CRADD: variants seen among roughly 807,000 people sequenced by gnomAD.
The protein encoded by CRADD is CARD and death domain containing adaptor protein, also known as death domain-containing protein CRADD.
CRADD carries 9 observed loss-of-function variants against 15.5 expected under a neutral mutation model. The observed-to-expected ratio is 0.58, with a 90% CI of 0.35 to 1.01. The LOEUF (loss-of-function observed/expected upper bound fraction) is 1.01, where lower values mean the gene tolerates loss of function less well. CRADD is among the 50% of genes least tolerant of loss of function. The probability of loss-of-function intolerance (pLI) is 0.02; values close to 1 mark genes in which losing one functional copy is unlikely to be tolerated. For missense variants in CRADD, 227 were observed against 250.3 expected, an observed-to-expected ratio of 0.91 and a Z score of 0.63; for synonymous variants, 118 against 107.6, an observed-to-expected ratio of 1.10 and a Z score of -0.60.
intron 2 of CRADD, among the ~76,000 whole-genome samples, chr12:93,856,095 T>C (rs1324857879): frequency 1.3e-5 from 2 of 152,216 alleles, no homozygotes. Context: ...CGTGAGCCAC[T>C]GCGCCCGGCC....
chr12:93,714,976 G>A (rs1434501435), intron 2 of CRADD: 3 of 152,134 alleles, frequency 2.0e-5, no homozygotes, highest in African/African-American at 7.2e-5. Context: ...GTCTGCCGCA[G>A]ATAGTTTTAG....
At chr12:93,884,482 G>T (rs768824908) in intron 2 of CRADD, among the ~76,000 whole-genome samples, 3 of 152,134 alleles carry the variant, frequency 2.0e-5, no homozygotes, top group African/African-American at 4.8e-5. Flanking sequence ...ACTATTTCCC[G>T]ACTGATTCTT....
At chr12:93,756,984 A>AT (rs201275220) in intron 2 of CRADD, among the ~76,000 whole-genome samples, 1,737 of 152,316 alleles carry the variant, frequency 0.011, 40 homozygotes, top group African/African-American at 0.04. Context: ...TTGCCAGTCT[A>AT]TTTGTTCACT....
At chr12:93,841,389 A>G (rs61144803) in intron 2 of CRADD, among the ~76,000 whole-genome samples, 6,201 of 152,256 alleles carry the variant, frequency 0.041, 156 homozygotes, top group Admixed American at 0.078. Context: ...AACAACTTAC[A>G]TATGATAGGA....
At chr12:93,814,976 C>A (rs1048565145) in intron 2 of CRADD, among the ~76,000 whole-genome samples, 8 of 152,294 alleles carry the variant, frequency 5.3e-5, no homozygotes, top group African/African-American at 1.2e-4. Flanking sequence ...GTTGGAATCA[C>A]CCCCTTGGGT....
intron 2 of CRADD, among the ~76,000 whole-genome samples, chr12:93,728,994 GTTATATTTCAAAAT>G: frequency 6.6e-6 from 1 of 152,148 alleles, no homozygotes; most frequent in South Asian, 2.1e-4. Flanking sequence ...TTTGGGGCCA[GTTATATTTCAAAAT>G]TTAGGGTTTT....
At chr12:93,768,385 G>T (rs1164787281) in intron 2 of CRADD, among the ~76,000 whole-genome samples, 1 of 152,086 alleles carries the variant, frequency 6.6e-6, no homozygotes, top group Non-Finnish European at 1.5e-5. Context: ...GAAGAAGATG[G>T]ATTATGGATA....
At position 93,850,006 on chromosome 12, in the gene CRADD, A is replaced by G. The variant is rs777064657; in HGVS notation, c.335A>G (p.Asn112Ser). ...ACTGGGATCCCCTCGCACATCCTCA[A>G]CAGCTCCCCATCAGACCGGCAGATT... ...RLTGIPSHIL[N>S]SSPSDRQINQ... is the part of the protein sequence containing the mutation. Residue 112 changes from asparagine (N) to serine (S), a missense_variant, in exon 3 of 3, where the codon AAC becomes AGC. Physicochemically the swap from Asn to Ser is conservative, Grantham distance 46. Coordinates refer to ENST00000332896, the MANE Select transcript of CRADD (RefSeq NM_003805.5). The surrounding 1 kb of genome is among the most constrained non-coding windows in gnomAD (Gnocchi z 4.0). The G allele has an allele frequency of 3.1e-6, 5 of 1,611,250 alleles. No individual in the cohort carries two copies. Among genetic ancestry groups the G allele is most frequent in the Non-Finnish European group, 3.4e-6 (4 of 1,177,372 alleles).
At chr12:93,845,693 GAA>G (rs2137045470) in intron 2 of CRADD, among the ~76,000 whole-genome samples, 1 of 152,194 alleles carries the variant, frequency 6.6e-6, no homozygotes, top group East Asian at 1.9e-4. Context: ...TTATGCTATA[GAA>G]AGACTCAGCA....
intron 2 of CRADD, chr12:93,708,519 G>A (rs1453680405): frequency 6.6e-6 from 1 of 152,132 alleles, no homozygotes; most frequent in Non-Finnish European, 1.5e-5. Flanking sequence ...TCATTCCTCT[G>A]CCTGGAATGC....
intron 2 of CRADD, among the ~76,000 whole-genome samples, chr12:93,792,336 G>A (rs1194035731): frequency 6.6e-6 from 1 of 152,128 alleles, no homozygotes; most frequent in Non-Finnish European, 1.5e-5. Context: ...ATCTATTATA[G>A]AACATTTTCT....
At chr12:93,811,577 G>A (rs143838380) in intron 2 of CRADD, among the ~76,000 whole-genome samples, 1 of 152,344 alleles carries the variant, frequency 6.6e-6, no homozygotes, top group Non-Finnish European at 1.5e-5. Context: ...TCCTCACTCT[G>A]CTTTGAGACG....
chr12:93,744,610 C>T (rs1004298930), intron 2 of CRADD, among the ~76,000 whole-genome samples: 1 of 152,188 alleles, frequency 6.6e-6, no homozygotes, highest in African/African-American at 2.4e-5. Context: ...CTTTGACATT[C>T]TGCTTACCAT....
chr12:93,779,690 A>G (rs1486621216), intron 2 of CRADD, among the ~76,000 whole-genome samples: 1 of 151,782 alleles, frequency 6.6e-6, no homozygotes, highest in Non-Finnish European at 1.5e-5. Context: ...CCTGGGTTCA[A>G]GCGATTCTCC....
In CRADD at chr12:93,887,813, G is replaced by A. The variant is rs567673406; in HGVS notation, c.299-6237G>A. ...GATACAAATGAAAACAGAATTACAC[G>A]TTAACGTTTATGGAGTTCATAGCTG... is the stretch of plus-strand genomic sequence containing the variant. On this transcript the variant is annotated intron_variant, in intron 2 of 2. Transcript: ENST00000548483. Among the ~76,000 whole-genome samples the A allele has an allele frequency of 5.9e-5, 9 of 152,300 alleles. No individual in the cohort carries two copies. The South Asian group carries it at 1.0e-3, about 18-fold the overall frequency.
intron 2 of CRADD, among the ~76,000 whole-genome samples, chr12:93,801,494 G>T (rs572914158): frequency 4.6e-5 from 7 of 152,128 alleles, no homozygotes; most frequent in Admixed American, 3.3e-4. Flanking sequence ...CACCTCCTGG[G>T]TTCAAGTGAT....
At chr12:93,863,031 T>C (rs1007383842) in intron 2 of CRADD, among the ~76,000 whole-genome samples, 1 of 152,232 alleles carries the variant, frequency 6.6e-6, no homozygotes, top group Non-Finnish European at 1.5e-5. Flanking sequence ...AGACCCGTGG[T>C]TTTCTGGAAC....
At chr12:93,713,243 T>G (rs991693502) in intron 2 of CRADD, among the ~76,000 whole-genome samples, 3 of 152,132 alleles carry the variant, frequency 2.0e-5, no homozygotes, top group Non-Finnish European at 4.4e-5. Flanking sequence ...TGCCAGTTTA[T>G]CTTATTAACT....
At chr12:93,778,401 G>A (rs1479404974) in intron 2 of CRADD, among the ~76,000 whole-genome samples, 1 of 152,216 alleles carries the variant, frequency 6.6e-6, no homozygotes, top group Non-Finnish European at 1.5e-5. Context: ...AATGACAACT[G>A]GTGGATATTT....
Sources: gnomAD v4.1 joint callset for allele counts (sites outside exome capture counted in the v4.1 genomes callset) on GRCh38, gnomAD v4.1.1 for gene constraint, Gnocchi (gnomAD v3.1) non-coding constraint, MANE v1.5 for transcripts, NCBI Gene and HGNC (gene_info 2026-07-23, HGNC 2026-07-21) for gene names.